Variants in NUBPL observed in about 807,000 individuals in gnomAD.
NUBPL encodes iron-sulfur cluster transfer protein NUBPL.
NUBPL carries 31 observed loss-of-function variants against 45.7 expected under a neutral mutation model. That is an observed-to-expected ratio of 0.68 (90% CI 0.51 to 0.92). The LOEUF (loss-of-function observed/expected upper bound fraction) is 0.92. NUBPL is among the 40% of genes least tolerant of loss of function. The pLI is 0.00. For missense variants in NUBPL, 401 were observed against 398.7 expected, an observed-to-expected ratio of 1.01 and a Z score of -0.05; for synonymous variants, 144 against 140.9, an observed-to-expected ratio of 1.02 and a Z score of -0.15.
At chr14:31,779,424 A>T (rs2039153861) in intron 6 of NUBPL, among the ~76,000 whole-genome samples, 1 of 152,094 alleles carries the variant, frequency 6.6e-6, no homozygotes, top group Admixed American at 6.5e-5. Context: ...GTGACAGAGT[A>T]TGGAATGGAG....
At chr14:31,722,786 G>T (rs57001370) in intron 6 of NUBPL, among the ~76,000 whole-genome samples, 44,796 of 151,692 alleles carry the variant, frequency 0.3, 7,544 homozygotes, top group South Asian at 0.41. Context: ...AATGGGGTTG[G>T]TTTTTTTTCT....
chr14:31,635,792 A>C (rs1220806173), intron 4 of NUBPL, among the ~76,000 whole-genome samples: 2 of 151,626 alleles, frequency 1.3e-5, no homozygotes, highest in African/African-American at 4.8e-5. Flanking sequence ...GTTCTCCTTG[A>C]AGAGGTCCTT....
At chr14:31,756,635 G>A (rs1387031933) in intron 6 of NUBPL, among the ~76,000 whole-genome samples, 2 of 148,130 alleles carry the variant, frequency 1.4e-5, no homozygotes, top group Non-Finnish European at 3.0e-5. Context: ...ATACAATCAT[G>A]TCGTCTGCAA....
At chr14:31,694,911 T>C (rs2037179743) in intron 6 of NUBPL, among the ~76,000 whole-genome samples, 1 of 152,220 alleles carries the variant, frequency 6.6e-6, no homozygotes, top group African/African-American at 2.4e-5. Flanking sequence ...GTTCAAAATG[T>C]TAAATAAAGC....
chr14:31,850,356 A>G lies in NUBPL; in HGVS notation c.897+155A>G, dbSNP rs3825742. ...TCCAAAGCATCTTTAAGTTACTGTC[A>G]TGTACAGTAAGCTTCCAGTGCTGGC... On this transcript the variant is annotated intron_variant, in intron 10 of 10. Coordinates refer to ENST00000281081, the MANE Select transcript of NUBPL (RefSeq NM_025152.3). 0.3 allele frequency among the ~76,000 whole-genome samples: 45,324 copies of G among 152,128 alleles called. 6,940 individuals are homozygous for G. The highest frequency in any genetic ancestry group is 0.47 in the East Asian group (2,440 of 5,154).
chr14:31,787,215 G>T (rs141796374), intron 6 of NUBPL, among the ~76,000 whole-genome samples: 1 of 152,150 alleles, frequency 6.6e-6, no homozygotes, highest in Non-Finnish European at 1.5e-5. Flanking sequence ...CTAAATGAAG[G>T]CTGAGCAGTA....
chr14:31,767,721 A>G (rs115567736), intron 6 of NUBPL, among the ~76,000 whole-genome samples: 5,259 of 152,030 alleles, frequency 0.035, 290 homozygotes, highest in African/African-American at 0.12. Flanking sequence ...TTTTTTGTAA[A>G]TCTTGCAGGG....
At chr14:31,777,829 C>G (rs1217140298) in intron 6 of NUBPL, among the ~76,000 whole-genome samples, 4 of 152,168 alleles carry the variant, frequency 2.6e-5, no homozygotes, top group African/African-American at 9.7e-5. Context: ...AGGTGTTAAT[C>G]TAAAGCAGTG....
chr14:31,819,439 A>C (rs2039978359), intron 7 of NUBPL, among the ~76,000 whole-genome samples: 1 of 152,146 alleles, frequency 6.6e-6, no homozygotes. Context: ...TTTGTTGCAC[A>C]TGTCTAGTAG....
chr14:31,598,234 T>C (rs2034335050), intron 3 of NUBPL, among the ~76,000 whole-genome samples: 2 of 152,222 alleles, frequency 1.3e-5, no homozygotes, highest in South Asian at 4.1e-4. Flanking sequence ...AGATTTACCT[T>C]ATTTTGTATG....
intron 4 of NUBPL, among the ~76,000 whole-genome samples, chr14:31,638,860 C>G (rs982416891): frequency 1.2e-4 from 19 of 152,232 alleles, no homozygotes; most frequent in African/African-American, 4.1e-4. Flanking sequence ...GATACCCTTT[C>G]TTCCAGTTGA....
rs1161865031 is a variant in NUBPL, at chr14:31,582,388, T to TC, written c.292-16901_292-16900insC. On this transcript the variant is annotated intron_variant, in intron 3 of 10. Transcript: ENST00000281081. ...ATGTTTTCAGGAAAATTTGTGTACT[T>TC]TTTTTTTTTTTTTTTAACAGCAGAG... Among the ~76,000 whole-genome samples the TC allele has an allele frequency of 7.4e-5, 11 of 147,714 alleles. No individual in the cohort carries two copies. The East Asian group carries it at 2.0e-3, about 26-fold the overall frequency.
chr14:31,579,182 A>T (rs1299925712), intron 3 of NUBPL, among the ~76,000 whole-genome samples: 1 of 152,204 alleles, frequency 6.6e-6, no homozygotes, highest in Non-Finnish European at 1.5e-5. Context: ...GCCCTTTGCC[A>T]GTCACCATGG....
chr14:31,684,987 A>C (rs2036919880), intron 6 of NUBPL, among the ~76,000 whole-genome samples: 1 of 152,180 alleles, frequency 6.6e-6, no homozygotes, highest in African/African-American at 2.4e-5. Context: ...GTAGTTCAAA[A>C]GGTAGGAAAA....
intron 10 of NUBPL, among the ~76,000 whole-genome samples, chr14:31,852,046 T>C (rs1282277945): frequency 6.6e-6 from 1 of 152,198 alleles, no homozygotes; most frequent in Non-Finnish European, 1.5e-5. Context: ...GATCTCTGCA[T>C]GGCAGGAAGA....
At chr14:31,602,074 T>A (rs906253002) in intron 4 of NUBPL, among the ~76,000 whole-genome samples, 52 of 152,168 alleles carry the variant, frequency 3.4e-4, no homozygotes, top group African/African-American at 1.2e-3. Flanking sequence ...AAATGATGAG[T>A]TCATGTTCTT....
chr14:31,676,974 C>G (rs2036714779), intron 6 of NUBPL, among the ~76,000 whole-genome samples: 1 of 151,364 alleles, frequency 6.6e-6, no homozygotes, highest in Non-Finnish European at 1.5e-5. Context: ...GAAATCTTTG[C>G]CTGTTTACCC....
Position 31,739,629 on chromosome 14 carries a change from A to G in NUBPL, c.514-48151A>G, listed in dbSNP as rs1199007264. Among the ~76,000 whole-genome samples the G allele has an allele frequency of 8.5e-5, 13 of 152,236 alleles. No homozygotes were observed. The South Asian group carries it at 1.0e-3, about 12-fold the overall frequency. ...TCAGCATCCTCCACCAGAGTGGTCT[A>G]TTTGTTATACTTGATGAACCTACAT... On this transcript the variant is annotated intron_variant, in intron 6 of 10. Coordinates refer to ENST00000281081, the MANE Select transcript of NUBPL (RefSeq NM_025152.3).
At position 31,760,154 on chromosome 14, in the gene NUBPL, A is replaced by T. The variant is rs368430581; in HGVS notation, c.514-27626A>T. Among the ~76,000 whole-genome samples the T allele has an allele frequency of 7.3e-3, 101 of 13,892 alleles. 3 individuals are homozygous for T. The highest frequency in any genetic ancestry group is 0.056 in the Middle Eastern group (1 of 18). 9.1% of individuals were successfully genotyped at this position (13,892 alleles called of 152,430 possible). On this transcript the variant is annotated intron_variant, in intron 6 of 10. Coordinates refer to ENST00000281081, the MANE Select transcript of NUBPL (RefSeq NM_025152.3). ...GTGTGTGTGTGTGTGTGAGAGAGAGAGAGAGAGAGAGAGAGAGAGAGAGAG... is the reference window on the plus strand; with the variant it reads ...GTGTGTGTGTGTGTGTGAGAGAGAGTGAGAGAGAGAGAGAGAGAGAGAGAG...
Sources: gnomAD v4.1 joint callset for allele counts (sites outside exome capture counted in the v4.1 genomes callset) on GRCh38, gnomAD v4.1.1 for gene constraint, MANE v1.5 for transcripts, NCBI Gene and HGNC (gene_info 2026-07-23, HGNC 2026-07-21) for gene names.